Variants in RUNDC3B observed in about 807,000 individuals in gnomAD.
RUNDC3B encodes RUN domain-containing protein 3B.
Under a neutral mutation model 58.4 loss-of-function variants are expected in RUNDC3B, and 33 were observed. That is an observed-to-expected ratio of 0.56 (90% CI 0.43 to 0.75). The LOEUF (loss-of-function observed/expected upper bound fraction) is 0.75, where lower values mean the gene tolerates loss of function less well. Ranked by LOEUF, RUNDC3B falls within the 30% of genes least tolerant of loss-of-function variation. The probability of loss-of-function intolerance (pLI) is 0.00; values close to 1 mark genes in which losing one functional copy is unlikely to be tolerated. For missense variants in RUNDC3B, 501 were observed against 535.7 expected (o/e 0.94, Z 0.64); for synonymous variants, 193 against 195.2 (o/e 0.99, Z 0.10).
At chr7:87,803,637 A>G (rs1836285518) in intron 8 of RUNDC3B, among the ~76,000 whole-genome samples, 1 of 152,150 alleles carries the variant, frequency 6.6e-6, no homozygotes, top group Non-Finnish European at 1.5e-5. Context: ...TTCTATGAGG[A>G]TGTTTCTCAT....
intron 10 of RUNDC3B, among the ~76,000 whole-genome samples, chr7:87,821,972 TA>T (rs1350801975): frequency 6.6e-6 from 1 of 152,110 alleles, no homozygotes; most frequent in African/African-American, 2.4e-5. Flanking sequence ...ATTCAGGACA[TA>T]GGCATGGGCA....
intron 3 of RUNDC3B, among the ~76,000 whole-genome samples, chr7:87,706,434 C>T (rs894770629): frequency 6.6e-6 from 1 of 151,954 alleles, no homozygotes; most frequent in Non-Finnish European, 1.5e-5. Context: ...GAGTCGATCC[C>T]AAAGGTAAGA....
At chr7:87,731,815 A>G (rs1385951752) in intron 4 of RUNDC3B, among the ~76,000 whole-genome samples, 1 of 152,242 alleles carries the variant, frequency 6.6e-6, no homozygotes, top group African/African-American at 2.4e-5. Context: ...CAATAAAATA[A>G]TAGCTGGGGA....
At chr7:87,698,792 T>G (rs889012462) in intron 2 of RUNDC3B, among the ~76,000 whole-genome samples, 3 of 152,164 alleles carry the variant, frequency 2.0e-5, no homozygotes, top group African/African-American at 7.2e-5. Context: ...GAAATACTTT[T>G]GAGGAGAAGT....
intron 3 of RUNDC3B, among the ~76,000 whole-genome samples, chr7:87,703,907 T>TTTTG: frequency 9.2e-6 from 1 of 108,172 alleles, no homozygotes; most frequent in African/African-American, 3.7e-5. Flanking sequence ...TTTTTTTTTT[T>TTTTG]TTTTTGGTTT....
intron 8 of RUNDC3B, among the ~76,000 whole-genome samples, chr7:87,796,955 A>G (rs1835853719): frequency 6.6e-6 from 1 of 152,204 alleles, no homozygotes; most frequent in Admixed American, 6.5e-5. Flanking sequence ...AGAGACTAAT[A>G]CATTTAATGA....
intron 4 of RUNDC3B, among the ~76,000 whole-genome samples, chr7:87,729,971 G>A (rs1831481005): frequency 6.6e-6 from 1 of 152,190 alleles, no homozygotes; most frequent in South Asian, 2.1e-4. Flanking sequence ...TCTAGACACA[G>A]CCTGGGCCAG....
intron 1 of RUNDC3B, among the ~76,000 whole-genome samples, chr7:87,632,176 G>A (rs548489520): frequency 6.6e-6 from 1 of 150,382 alleles, no homozygotes; most frequent in African/African-American, 2.4e-5. Flanking sequence ...TCACAGTAAT[G>A]TTTTTCCTTA....
At chr7:87,709,831 T>C (rs1436701837) in intron 3 of RUNDC3B, among the ~76,000 whole-genome samples, 1 of 152,176 alleles carries the variant, frequency 6.6e-6, no homozygotes, top group Non-Finnish European at 1.5e-5. Context: ...AAATAATTGA[T>C]TTATGAAGTT....
intron 4 of RUNDC3B, among the ~76,000 whole-genome samples, chr7:87,715,913 A>T (rs1362381654): frequency 6.6e-6 from 1 of 152,120 alleles, no homozygotes; most frequent in Non-Finnish European, 1.5e-5. Context: ...AAGGAAAGTC[A>T]CTGACAAGGA....
chr7:87,728,235 A>G (rs1292956679), intron 4 of RUNDC3B, among the ~76,000 whole-genome samples: 1 of 152,246 alleles, frequency 6.6e-6, no homozygotes, highest in East Asian at 1.9e-4. Context: ...GATTTATACA[A>G]ATCTCTTCTC....
chr7:87,701,527 G>A (rs979198714), intron 3 of RUNDC3B, among the ~76,000 whole-genome samples: 7 of 152,136 alleles, frequency 4.6e-5, no homozygotes, highest in Non-Finnish European at 7.4e-5. Flanking sequence ...TGATCAGTTC[G>A]TGGAATTACA....
At chr7:87,730,101 G>T (rs1486636961) in intron 4 of RUNDC3B, among the ~76,000 whole-genome samples, 1 of 152,150 alleles carries the variant, frequency 6.6e-6, no homozygotes, top group Non-Finnish European at 1.5e-5. Flanking sequence ...CTCACCACAG[G>T]CCTTGAGTGA....
Position 87,830,074 on chromosome 7 carries a change from T to A in RUNDC3B, c.*44T>A, listed in dbSNP as rs1314764938. 8 of 1,330,322 alleles carry A rather than the reference T, an allele frequency of 6.0e-6. No individual in the cohort carries two copies. The highest frequency in any genetic ancestry group is 8.3e-6 in the Non-Finnish European group (8 of 967,152). The allele number at this position is 1,330,322 out of a possible 1,614,324, so 82.4% of individuals were successfully genotyped here. On this transcript the variant is annotated 3_prime_UTR_variant, in exon 11 of 11. Transcript: ENST00000394654. ...CAAAACTTTTTATGTTGTAAATGTTTAATTTACATGTTTGACTGCTGGGAA... is the reference window on the plus strand; with the variant it reads ...CAAAACTTTTTATGTTGTAAATGTTAAATTTACATGTTTGACTGCTGGGAA...
chr7:87,638,345 T>TTGTGTGTGTG (rs71524692), intron 1 of RUNDC3B, among the ~76,000 whole-genome samples: 1,860 of 144,754 alleles, frequency 0.013, 46 homozygotes, highest in African/African-American at 0.044. Flanking sequence ...AAGTATGTGT[T>TTGTGTGTGTG]TGTGTGTGTG....
At chr7:87,815,104 T>C (rs1206424181) in intron 9 of RUNDC3B, among the ~76,000 whole-genome samples, 1 of 152,120 alleles carries the variant, frequency 6.6e-6, no homozygotes, top group African/African-American at 2.4e-5. Flanking sequence ...CCTCCCCATT[T>C]TGAATGGAGT....
intron 4 of RUNDC3B, among the ~76,000 whole-genome samples, chr7:87,714,755 A>G (rs1175703451): frequency 2.0e-5 from 3 of 151,918 alleles, no homozygotes; most frequent in Non-Finnish European, 4.4e-5. Context: ...TATCTTATCC[A>G]TATGGACAGG....
chr7:87,699,764 T>G (rs1313011921), intron 2 of RUNDC3B, among the ~76,000 whole-genome samples: 1 of 152,200 alleles, frequency 6.6e-6, no homozygotes, highest in Non-Finnish European at 1.5e-5. Context: ...CATGAACGGA[T>G]ACATAGTTAG....
At chr7:87,725,151 T>G (rs1831142134) in intron 4 of RUNDC3B, among the ~76,000 whole-genome samples, 2 of 152,152 alleles carry the variant, frequency 1.3e-5, no homozygotes, top group Admixed American at 1.3e-4. Flanking sequence ...GCAGGTTTGT[T>G]ACATATGTAT....
Sources: gnomAD v4.1 joint callset for allele counts (sites outside exome capture counted in the v4.1 genomes callset) on GRCh38, gnomAD v4.1.1 for gene constraint, MANE v1.5 for transcripts, NCBI Gene and HGNC (gene_info 2026-07-23, HGNC 2026-07-21) for gene names.